SLC39A12: variants seen among roughly 807,000 people sequenced by gnomAD.
SLC39A12 encodes the protein zinc transporter ZIP12.
A neutral mutation model predicts 71.1 loss-of-function variants in SLC39A12; 63 were observed. That is an observed-to-expected ratio of 0.89 (90% CI 0.72 to 1.09). The LOEUF is 1.09. Ranked by LOEUF, SLC39A12 falls within the 50% of genes least tolerant of loss-of-function variation. The pLI is 0.00. For synonymous variants in SLC39A12, 351 were observed against 301.3 expected, an observed-to-expected ratio of 1.16 and a Z score of -1.71; for missense variants, 892 against 812.6, an observed-to-expected ratio of 1.10 and a Z score of -1.19.
intron 5 of SLC39A12, among the ~76,000 whole-genome samples, chr10:17,979,463 G>C (rs1835199448): frequency 6.6e-6 from 1 of 152,098 alleles, no homozygotes; most frequent in South Asian, 2.1e-4. Context: ...TACCAGTCAG[G>C]CATTTTCTGA....
At position 17,995,679 on chromosome 10, in the gene SLC39A12, A is replaced by G; in HGVS notation, c.1557A>G (p.Ala519=). The G allele has an allele frequency of 6.2e-7, 1 of 1,613,656 alleles. No individual in the cohort carries two copies. The highest frequency in any genetic ancestry group is 8.5e-7 in the Non-Finnish European group (1 of 1,179,842). The change falls in exon 10 of 13, where the codon GCA becomes GCG. Residue 519 remains alanine, a synonymous_variant. Transcript: ENST00000377369. ...IQLKSPEDSQ[A]AEMPIGSMTA... is the part of the protein sequence containing the mutation. ...AGAAAAGCCCAGAAGATTCACAGGC[A>G]GCTGAAATGCCTATAGGCAGTATGA...
chr10:18,030,851 T>C (rs1191592219), intron 12 of SLC39A12, among the ~76,000 whole-genome samples: 1 of 134,776 alleles, frequency 7.4e-6, no homozygotes, highest in African/African-American at 2.8e-5. Flanking sequence ...CCTGTGTCCA[T>C]GTGATCTCAT....
chr10:17,980,530 A>C (rs962964172), intron 5 of SLC39A12, among the ~76,000 whole-genome samples: 2 of 152,116 alleles, frequency 1.3e-5, no homozygotes. Context: ...TTTAAATTGT[A>C]ATTTTTGAAG....
intron 12 of SLC39A12, among the ~76,000 whole-genome samples, chr10:18,032,847 T>G (rs891481188): frequency 2.1e-5 from 3 of 141,312 alleles, no homozygotes; most frequent in South Asian, 2.3e-4. Context: ...TTATTGAGAG[T>G]TTTTAGCATG....
chr10:18,025,773 T>C (rs2130882800), intron 12 of SLC39A12, among the ~76,000 whole-genome samples: 1 of 152,320 alleles, frequency 6.6e-6, no homozygotes, highest in Non-Finnish European at 1.5e-5. Context: ...CAGGGTCAAA[T>C]TGTATTTCTA....
rs1463837465 is a variant in SLC39A12, at chr10:17,987,570, C to T, written c.1188C>T (p.Asn396=). ...TCCTTTTCCATAGCTGTGAGGAGAACTACAGGCTTATCTTACAGCTGTTTG... is the reference window on the plus strand; with the variant it reads ...TCCTTTTCCATAGCTGTGAGGAGAATTACAGGCTTATCTTACAGCTGTTTG... The part of the protein sequence containing the change: ...ALVLFHSCEE[N]YRLILQLFVG... Residue 396 remains asparagine (N), a synonymous_variant, in exon 7 of 13, where the codon AAC becomes AAT. Transcript: ENST00000377369. 6 of 1,614,164 alleles carry T rather than the reference C, an allele frequency of 3.7e-6. No individual in the cohort carries two copies. The highest frequency in any genetic ancestry group is 5.1e-6 in the Non-Finnish European group (6 of 1,180,042).
chr10:18,039,202 C>G (rs1447403442), intron 12 of SLC39A12, among the ~76,000 whole-genome samples: 1 of 152,012 alleles, frequency 6.6e-6, no homozygotes, highest in Non-Finnish European at 1.5e-5. Flanking sequence ...AATTAATAAT[C>G]TTGTTTGAAA....
chr10:18,035,645 G>T (rs560456559), intron 12 of SLC39A12, among the ~76,000 whole-genome samples: 1 of 152,168 alleles, frequency 6.6e-6, no homozygotes, highest in South Asian at 2.1e-4. Flanking sequence ...TCTTCTCTCA[G>T]CTCGTCAAAG....
chr10:17,964,489 C>T (rs1304672129), intron 3 of SLC39A12, among the ~76,000 whole-genome samples: 3 of 152,234 alleles, frequency 2.0e-5, no homozygotes, highest in Non-Finnish European at 4.4e-5. Flanking sequence ...TCCTTCACTT[C>T]ATATGAAATG....
Position 18,042,696 on chromosome 10 carries a change from T to C in SLC39A12, c.1948-9T>C, listed in dbSNP as rs762813367. 1 of 1,595,360 alleles carries C rather than the reference T, an allele frequency of 6.3e-7. No individual in the cohort carries two copies. The highest frequency in any genetic ancestry group is 8.5e-7 in the Non-Finnish European group (1 of 1,173,698). On this transcript the variant is annotated splice_polypyrimidine_tract_variant and intron_variant, in intron 12 of 12. Transcript: ENST00000377369. Reference sequence around the variant, plus strand: ...TGGATCTTATTCTGGTTTTTTATTCTTTTTTTAGCTTCCTGAAATGACTCA... The same window carrying C: ...TGGATCTTATTCTGGTTTTTTATTCCTTTTTTAGCTTCCTGAAATGACTCA...
In SLC39A12 at chr10:17,981,295, A is replaced by T. The variant is rs777877665; in HGVS notation, c.925-17A>T. ...ATATGCTGAGATTAGTAACAATGTT[A>T]TGTTTTCCTCACACAGACCTGCTTC... On this transcript the variant is annotated splice_polypyrimidine_tract_variant and intron_variant, in intron 5 of 12. Coordinates refer to ENST00000377369, the MANE Select transcript of SLC39A12 (RefSeq NM_001145195.2). 1.3e-6 allele frequency: 2 copies of T among 1,584,916 alleles called. No individual in the cohort carries two copies. The highest frequency in any genetic ancestry group is 3.5e-5 in the Admixed American group (2 of 56,930).
intron 10 of SLC39A12, among the ~76,000 whole-genome samples, chr10:18,000,349 C>CA (rs1181601733): frequency 6.6e-6 from 1 of 152,170 alleles, no homozygotes; most frequent in Non-Finnish European, 1.5e-5. Flanking sequence ...GGAAGGTCAT[C>CA]AGTGGTACTT....
At chr10:18,012,643 C>T (rs557395553) in intron 12 of SLC39A12, among the ~76,000 whole-genome samples, 5 of 152,134 alleles carry the variant, frequency 3.3e-5, no homozygotes, top group Non-Finnish European at 5.9e-5. Context: ...CAGAGACAGG[C>T]GGATCACGAG....
intron 12 of SLC39A12, among the ~76,000 whole-genome samples, chr10:18,034,709 T>C (rs1175806263): frequency 6.6e-6 from 1 of 151,896 alleles, no homozygotes; most frequent in Non-Finnish European, 1.5e-5. Flanking sequence ...GCTGGTGATT[T>C]TGCTTGTCAG....
intron 12 of SLC39A12, among the ~76,000 whole-genome samples, chr10:18,018,980 A>T (rs778283990): frequency 7.0e-4 from 107 of 152,212 alleles, no homozygotes; most frequent in Non-Finnish European, 3.5e-4. Context: ...TTTTTTCCTA[A>T]AGTGTTTGGT....
chr10:17,969,705 G>A (rs1010368311), intron 4 of SLC39A12, among the ~76,000 whole-genome samples: 7 of 152,116 alleles, frequency 4.6e-5, no homozygotes, highest in African/African-American at 7.2e-5. Flanking sequence ...CTGGTGAGAT[G>A]AGTAGCTCGC....
At position 17,965,670 on chromosome 10, in the gene SLC39A12, C is replaced by T. The variant is rs7899328; in HGVS notation, c.731C>T (p.Thr244Met). Residue 244 changes from threonine to methionine, a missense_variant, in exon 4 of 13, where the codon ACG becomes ATG. By Grantham distance (81) the Thr-to-Met change is moderately conservative (BLOSUM62 -1). Transcript: ENST00000377369. ...TATATTTTCAGTTCCTTGAATCGTA[C>T]GAATACCCTCCGCCTATCAGGTAAG... ...TEYIFSSLNR[T>M]NTLRLSELDQ... is the part of the protein sequence containing the mutation. 4,466 of 1,613,704 alleles carry T rather than the reference C, an allele frequency of 2.8e-3. 84 individuals are homozygous for T. In the African/African-American group the frequency reaches 0.049, roughly 18 times the overall value.
intron 12 of SLC39A12, chr10:18,007,260 C>A (rs551236478): frequency 6.6e-6 from 1 of 152,340 alleles, no homozygotes; most frequent in South Asian, 2.1e-4. Context: ...CAACTTAGGT[C>A]TTCAATGAAG....
At chr10:17,965,172 A>T (rs1240671559) in intron 3 of SLC39A12, among the ~76,000 whole-genome samples, 2 of 151,808 alleles carry the variant, frequency 1.3e-5, no homozygotes, top group Non-Finnish European at 2.9e-5. Context: ...GTGCCACTTT[A>T]CTCCAGCCTG....
Sources: allele counts gnomAD v4.1 joint callset (sites outside exome capture counted in the v4.1 genomes callset), GRCh38; gene constraint gnomAD v4.1.1; transcripts MANE v1.5; gene names NCBI Gene and HGNC (gene_info 2026-07-23, HGNC 2026-07-21).